Variants in CEACAM20 observed in about 807,000 individuals in gnomAD.
CEACAM20 encodes CEA cell adhesion molecule 20.
Under a neutral mutation model 61.2 loss-of-function variants are expected in CEACAM20, and 50 were observed. The observed-to-expected ratio is 0.82, with a 90% CI of 0.65 to 1.03. CEACAM20 has a LOEUF of 1.03. Ranked by LOEUF, CEACAM20 falls within the 50% of genes least tolerant of loss-of-function variation. The probability of loss-of-function intolerance (pLI) is 0.00; values close to 1 mark genes in which losing one functional copy is unlikely to be tolerated. For synonymous variants in CEACAM20, 282 were observed against 287.7 expected (o/e 0.98, Z 0.20); for missense variants, 683 against 736.4 (o/e 0.93, Z 0.84).
intron 2 of CEACAM20, 127 bp from the exon 3 acceptor site, chr19:44,524,388 T>C (rs965902512): frequency 9.8e-7 from 1 of 1,015,358 alleles, no homozygotes; most frequent in Admixed American, 2.6e-5. Flanking sequence ...TGGAGTTGGA[T>C]GCCTGGGCTT....
chr19:44,517,583 G>A (rs1484799843), intron 5 of CEACAM20, among the ~76,000 whole-genome samples: 1 of 151,920 alleles, frequency 6.6e-6, no homozygotes, highest in African/African-American at 2.4e-5. Flanking sequence ...TGTAGTCCCA[G>A]CTACTCGGGA....
chr19:44,522,025 T>C (rs1409338665), intron 4 of CEACAM20, among the ~76,000 whole-genome samples: 1 of 152,066 alleles, frequency 6.6e-6, no homozygotes, highest in Non-Finnish European at 1.5e-5. Context: ...CAGCCTTCCC[T>C]GTAGTCGGAG....
At chr19:44,520,853 TGTGTG>T in intron 4 of CEACAM20, 101 bp from the exon 5 acceptor site, 1 of 940,266 alleles carries the variant, frequency 1.1e-6, no homozygotes, top group Non-Finnish European at 1.6e-6. Context: ...TGCGTGTGTG[TGTGTG>T]TGTGTGTGTG....
chr19:44,518,015 G>T (rs1338608002), intron 5 of CEACAM20, among the ~76,000 whole-genome samples: 1 of 151,620 alleles, frequency 6.6e-6, no homozygotes, highest in Non-Finnish European at 1.5e-5. Context: ...GGCCGAAGTT[G>T]CAGTGAGGCA....
At chr19:44,528,973 T>C (rs1971626740) in intron 1 of CEACAM20, among the ~76,000 whole-genome samples, 1 of 147,332 alleles carries the variant, frequency 6.8e-6, no homozygotes, top group African/African-American at 2.5e-5. Flanking sequence ...TTTTTTTTTT[T>C]TTTGAGACAG....
rs899090141 is a variant in CEACAM20, at chr19:44,516,515, T to C, written c.1309+431A>G. On this transcript the variant is annotated intron_variant, in intron 6 of 11. Coordinates refer to ENST00000614924, the MANE Select transcript of CEACAM20 (RefSeq NM_001102597.3). ...ATAAAGGGTTTCCCCTTTTGCTTGG[T>C]TCTCATTCTCTCTTGTCTGCCACCA... 3.3e-5 allele frequency among the ~76,000 whole-genome samples: 5 copies of C among 152,302 alleles called. No homozygotes were observed. The South Asian group carries it at 1.0e-3, about 32-fold the overall frequency.
intron 1 of CEACAM20, among the ~76,000 whole-genome samples, chr19:44,529,046 C>T (rs970937205): frequency 6.7e-6 from 1 of 149,170 alleles, no homozygotes; most frequent in Non-Finnish European, 1.5e-5. Context: ...GCAGCTTCCA[C>T]CTCCGAGTTC....
At chr19:44,510,568 G>A (rs1336044013) in intron 11 of CEACAM20, among the ~76,000 whole-genome samples, 1 of 41,790 alleles carries the variant, frequency 2.4e-5, no homozygotes, top group Non-Finnish European at 4.2e-5. Context: ...AAGAAAGAAA[G>A]AAAGAAAGAA....
intron 5 of CEACAM20, among the ~76,000 whole-genome samples, chr19:44,518,146 G>GAAAGCAGGCAGGCAGGCAGGCAGGCAA: frequency 1.1e-5 from 1 of 91,076 alleles, no homozygotes; most frequent in African/African-American, 4.3e-5. Flanking sequence ...AAGGAAGGAA[G>GAAAGCAGGCAGGCAGGCAGGCAGGCAA]GAAGGAAGGA....
chr19:44,526,328 G>C (rs768813492), intron 1 of CEACAM20, among the ~76,000 whole-genome samples: 11 of 151,910 alleles, frequency 7.2e-5, no homozygotes, highest in Admixed American at 1.3e-4. Context: ...GGGCAACATA[G>C]TGAAGCTCTG....
At position 44,524,227 on chromosome 19, in the gene CEACAM20, G is replaced by A; in HGVS notation, c.231C>T (p.Gly77=). 6.2e-7 allele frequency: 1 copy of A among 1,613,852 alleles called. No individual in the cohort carries two copies. The highest frequency in any genetic ancestry group is 8.5e-7 in the Non-Finnish European group (1 of 1,179,798). ...LAKPSIAVSP[G]TAIEQKDMVT... ...CCATGTCCTTCTGCTCTATGGCAGTGCCTGGGCTGACTGCAATGGAGGGTT... is the reference window on the plus strand; with the variant it reads ...CCATGTCCTTCTGCTCTATGGCAGTACCTGGGCTGACTGCAATGGAGGGTT... The change falls in exon 3 of 12, where the codon GGC becomes GGT. Residue 77 remains glycine (G), a synonymous_variant. Coordinates refer to ENST00000614924, the MANE Select transcript of CEACAM20 (RefSeq NM_001102597.3).
At position 44,529,354 on chromosome 19, in the gene CEACAM20, G is replaced by GCACACACA. The variant is rs71940010; in HGVS notation, c.52+96_52+103dup. 2.1e-3 allele frequency: 1,369 copies of GCACACACA among 660,192 alleles called. 11 individuals carry two copies. Among genetic ancestry groups the GCACACACA allele is most frequent in the African/African-American group, 0.02 (983 of 49,308 alleles). 40.9% of individuals were successfully genotyped at this position (660,192 alleles called of 1,614,324 possible). A position where few individuals can be genotyped will look rare whatever the true frequency, so the allele number is the denominator to read the frequency against. ...TGCCTCCATCTCTTTTTCCTCGAGTGCACACACACACACACACACACACAC... is the reference window on the plus strand; with the variant it reads ...TGCCTCCATCTCTTTTTCCTCGAGTGCACACACACACACACACACACACACACACACAC... On this transcript the variant is annotated intron_variant, in intron 1 of 11. Transcript: ENST00000614924.
At position 44,511,684 on chromosome 19, in the gene CEACAM20, C is replaced by A. The variant is rs761984640; in HGVS notation, c.1576-12G>T. On this transcript the variant is annotated splice_polypyrimidine_tract_variant and intron_variant, in intron 9 of 11. Coordinates refer to ENST00000614924, the MANE Select transcript of CEACAM20 (RefSeq NM_001102597.3). Reference sequence around the variant, plus strand: ...TCTGGTGGTTGCATCTGGGGAAAAACAAAGTTGCAGAGAGGTCATAGGGCT... The same window carrying A: ...TCTGGTGGTTGCATCTGGGGAAAAAAAAAGTTGCAGAGAGGTCATAGGGCT... The A allele has an allele frequency of 1.2e-6, 2 of 1,612,006 alleles. No homozygotes were observed. The highest frequency in any genetic ancestry group is 1.7e-6 in the Non-Finnish European group (2 of 1,179,204).
chr19:44,508,298 T>C (rs1970876041), intron 11 of CEACAM20, among the ~76,000 whole-genome samples: 1 of 152,240 alleles, frequency 6.6e-6, no homozygotes, highest in Non-Finnish European at 1.5e-5. Flanking sequence ...ATAATTCTAC[T>C]AGTCCTTAGA....
At chr19:44,525,293 G>T (rs769489655) in intron 1 of CEACAM20, 49 bp from the exon 2 acceptor site, 1 of 1,518,830 alleles carries the variant, frequency 6.6e-7, no homozygotes, top group Non-Finnish European at 8.8e-7. Flanking sequence ...TGTGTTGGGG[G>T]TTGCCCGGCT....
At chr19:44,511,527 G>T in intron 10 of CEACAM20, 110 bp downstream of exon 10, 1 of 1,112,522 alleles carries the variant, frequency 9.0e-7, no homozygotes, top group East Asian at 2.6e-5. Flanking sequence ...GCCCTGTGAT[G>T]TGCCATGAAA....
rs775212192 is a variant in CEACAM20 at position 44,522,753 on chromosome 19, G to A, written c.632C>T (p.Thr211Ile). 30 of 1,613,816 alleles carry A rather than the reference G, an allele frequency of 1.9e-5. No homozygotes were observed. Among genetic ancestry groups the A allele is most frequent in the Non-Finnish European group, 2.5e-5 (29 of 1,179,884 alleles). ...WFLLDSILSH[T>I]TRTFTIHAVS... The stretch of plus-strand genomic sequence containing the variant: ...AGCATGGATGGTGAATGTTCTCGTG[G>A]TGTGAGACAGAATGGAGTCAAGGAG... Residue 211 changes from threonine to isoleucine, a missense_variant, in exon 4 of 12, where the codon ACC becomes ATC. Transcript: ENST00000614924.
intron 4 of CEACAM20, among the ~76,000 whole-genome samples, chr19:44,521,159 GTGTT>G (rs1461601346): frequency 6.6e-6 from 1 of 152,088 alleles, no homozygotes; most frequent in African/African-American, 2.4e-5. Flanking sequence ...TTTGTGTTAT[GTGTT>G]TGTGTTGTGT....
chr19:44,521,992 C>T (rs777876477), intron 4 of CEACAM20, among the ~76,000 whole-genome samples: 4 of 152,102 alleles, frequency 2.6e-5, no homozygotes, highest in Non-Finnish European at 5.9e-5. Flanking sequence ...ATGTGCCAAG[C>T]CAGGCAAAGG....
Sources: gnomAD v4.1 joint callset for allele counts (sites outside exome capture counted in the v4.1 genomes callset) on GRCh38, gnomAD v4.1.1 for gene constraint, MANE v1.5 for transcripts, NCBI Gene and HGNC (gene_info 2026-07-23, HGNC 2026-07-21) for gene names.